The following FAM135B variants were observed in gnomAD, a reference collection of about 807,000 sequenced individuals.
FAM135B encodes the protein protein FAM135B.
Under a neutral mutation model 127.7 loss-of-function variants are expected in FAM135B, and 43 were observed. That is an observed-to-expected ratio of 0.34 (90% confidence interval 0.26 to 0.43). FAM135B has a LOEUF of 0.43. Ranked by LOEUF, FAM135B falls within the 20% of genes least tolerant of loss-of-function variation. The probability of loss-of-function intolerance (pLI) is 1.00; values close to 1 mark genes in which losing one functional copy is unlikely to be tolerated. For missense variants in FAM135B, 1,558 were observed against 1,725.6 expected (o/e 0.90, Z 1.72); for synonymous variants, 670 against 665.1 (o/e 1.01, Z -0.11).
intron 2 of FAM135B, among the ~76,000 whole-genome samples, chr8:138,362,377 A>C (rs1830483290): frequency 6.9e-6 from 1 of 145,750 alleles, no homozygotes; most frequent in Non-Finnish European, 1.5e-5. Flanking sequence ...AGTATTGTGC[A>C]TGGACTATGG....
intron 7 of FAM135B, among the ~76,000 whole-genome samples, chr8:138,225,603 G>T (rs1819364956): frequency 6.6e-6 from 1 of 151,998 alleles, no homozygotes; most frequent in African/African-American, 2.4e-5. Context: ...GAGGACAAAT[G>T]GTCTTACATC....
chr8:138,409,388 A>G (rs1161981025), intron 1 of FAM135B, among the ~76,000 whole-genome samples: 1 of 152,202 alleles, frequency 6.6e-6, no homozygotes, highest in African/African-American at 2.4e-5. Context: ...AAGAAGACTA[A>G]TCATGGATCA....
chr8:138,299,637 CAG>C (rs1327171287), intron 3 of FAM135B, among the ~76,000 whole-genome samples: 1 of 152,090 alleles, frequency 6.6e-6, no homozygotes, highest in African/African-American at 2.4e-5. Flanking sequence ...AATTAAGCTG[CAG>C]AGTCAAAATT....
chr8:138,161,308 CTCTCAATCTCT>C (rs945169430), intron 12 of FAM135B, among the ~76,000 whole-genome samples: 1 of 151,976 alleles, frequency 6.6e-6, no homozygotes, highest in African/African-American at 2.4e-5. Context: ...GCCATTATCT[CTCTCAATCTCT>C]TCTCAATCTC....
intron 15 of FAM135B, 43 bp downstream of exon 15, chr8:138,145,916 T>C (rs1167720991): frequency 2.0e-6 from 2 of 1,010,602 alleles, no homozygotes; most frequent in Non-Finnish European, 1.6e-6. Context: ...CATATAAGCA[T>C]GCATCCAGGG....
At chr8:138,333,184 A>G (rs895974429) in intron 2 of FAM135B, among the ~76,000 whole-genome samples, 3 of 152,134 alleles carry the variant, frequency 2.0e-5, no homozygotes, top group Non-Finnish European at 2.9e-5. Context: ...AAACCAATTC[A>G]TGCAACAAAG....
At chr8:138,360,985 G>T (rs557710261) in intron 2 of FAM135B, among the ~76,000 whole-genome samples, 1 of 151,290 alleles carries the variant, frequency 6.6e-6, no homozygotes, top group African/African-American at 2.4e-5. Flanking sequence ...GAGTGCAGTG[G>T]CACAATCTCA....
chr8:138,315,933 T>G (rs1216422995), intron 2 of FAM135B, among the ~76,000 whole-genome samples: 86 of 152,282 alleles, frequency 5.6e-4, no homozygotes, highest in Non-Finnish European at 1.5e-5. Context: ...TAAATAAGTT[T>G]AGAGATCTAA....
rs1820111087 is a variant in FAM135B, at chr8:138,168,104, C to T, written c.1104-55G>A. On this transcript the variant is annotated intron_variant, in intron 11 of 19. Transcript: ENST00000395297. The stretch of plus-strand genomic sequence containing the variant: ...AGGGAAGAGTCAGAGGTTTCCAAAC[C>T]GTTGCCCCCTCTTCCTAATCCCGGG... The T allele has an allele frequency of 3.3e-6, 5 of 1,533,814 alleles. No homozygotes were observed. In the South Asian group the frequency reaches 5.0e-5, roughly 15 times the overall value.
At position 138,432,107 on chromosome 8, in the gene FAM135B, G is replaced by A. The variant is rs538765816; in HGVS notation, c.-19-64105C>T. Among the ~76,000 whole-genome samples the A allele has an allele frequency of 4.0e-4, 61 of 152,252 alleles. 1 individual carries two copies. The highest frequency in any genetic ancestry group is 1.4e-3 in the African/African-American group (58 of 41,536). On this transcript the variant is annotated intron_variant, in intron 1 of 19. Coordinates refer to ENST00000395297, the MANE Select transcript of FAM135B (RefSeq NM_015912.4). ...GTGTAGGCTCCTTCTCCCCTAAATT[G>A]TGTTGAGGAGGGATACATGTATAAA...
At chr8:138,479,469 T>C (rs942244250) in intron 1 of FAM135B, among the ~76,000 whole-genome samples, 1 of 152,212 alleles carries the variant, frequency 6.6e-6, no homozygotes, top group Admixed American at 6.5e-5. Flanking sequence ...ACAATGTTGA[T>C]AGAGGCTTGT....
chr8:138,319,531 A>G (rs1827312763), intron 2 of FAM135B, among the ~76,000 whole-genome samples: 1 of 152,240 alleles, frequency 6.6e-6, no homozygotes, highest in Non-Finnish European at 1.5e-5. Context: ...AAGATGGGCC[A>G]TTGGTTTCAT....
At position 138,132,775 on chromosome 8, in the gene FAM135B, T is replaced by C. The variant is rs2130489781; in HGVS notation, c.4039A>G (p.Asn1347Asp). The change falls in exon 20 of 20, where the codon AAC becomes GAC. Residue 1347 changes from asparagine (N) to aspartate (D), a missense_variant. Asn to Asp is a conservative substitution (Grantham distance 23, BLOSUM62 1). Coordinates refer to ENST00000395297, the MANE Select transcript of FAM135B (RefSeq NM_015912.4). The surrounding 1 kb of genome is among the most constrained non-coding windows in gnomAD (Gnocchi z 4.5). ...TCAACCAGAGGGCCCAGGAGGTTGTTGATCATTTCTGCATAAACTGGCCCT... is the reference window on the plus strand; with the variant it reads ...TCAACCAGAGGGCCCAGGAGGTTGTCGATCATTTCTGCATAAACTGGCCCT... Reference protein sequence around the residue: ...HTGPVYAEMINNLLGPLVEAK... With the variant: ...HTGPVYAEMIDNLLGPLVEAK... 6.2e-7 allele frequency: 1 copy of C among 1,614,120 alleles called. No individual in the cohort carries two copies. The highest frequency in any genetic ancestry group is 2.2e-5 in the East Asian group (1 of 44,874).
rs1278829870 is a variant in FAM135B at position 138,132,245 on chromosome 8, C to G, written c.*348G>C. 2.3e-5 allele frequency: 6 copies of G among 258,164 alleles called. No homozygotes were observed. Among genetic ancestry groups the G allele is most frequent in the African/African-American group, 1.1e-4 (5 of 44,726 alleles). 16.0% of individuals were successfully genotyped at this position (258,164 alleles called of 1,614,324 possible). A position where few individuals can be genotyped will look rare whatever the true frequency, so the allele number is the denominator to read the frequency against. On this transcript the variant is annotated 3_prime_UTR_variant, in exon 20 of 20. Coordinates refer to ENST00000395297, the MANE Select transcript of FAM135B (RefSeq NM_015912.4). The surrounding 1 kb of genome is among the most constrained non-coding windows in gnomAD (Gnocchi z 4.5). ...TAAGCTAGTAACATATTCGGCAAGT[C>G]TAGTTAAATTGGAGTAATCTCTCAG...
intron 7 of FAM135B, among the ~76,000 whole-genome samples, chr8:138,216,307 G>A (rs931244428): frequency 1.3e-5 from 2 of 152,184 alleles, no homozygotes; most frequent in Non-Finnish European, 2.9e-5. Context: ...TCAATTCTGA[G>A]ATAAGCTTTC....
chr8:138,485,023 GCAA>G (rs1337623827), intron 1 of FAM135B, among the ~76,000 whole-genome samples: 1 of 152,118 alleles, frequency 6.6e-6, no homozygotes, highest in Non-Finnish European at 1.5e-5. Context: ...CTCTCCCCTT[GCAA>G]CAACACCTCA....
intron 4 of FAM135B, among the ~76,000 whole-genome samples, chr8:138,263,195 T>C (rs181819414): frequency 6.6e-6 from 1 of 152,272 alleles, no homozygotes; most frequent in Admixed American, 6.5e-5. Context: ...GTGTAAATGT[T>C]TTCATCAAGC....
intron 1 of FAM135B, among the ~76,000 whole-genome samples, chr8:138,483,760 G>A (rs1814879044): frequency 6.6e-6 from 1 of 152,168 alleles, no homozygotes; most frequent in African/African-American, 2.4e-5. Context: ...GTGACCCTAT[G>A]CAAGCCTCAA....
chr8:138,271,325 C>T lies in FAM135B; in HGVS notation c.158-5483G>A, dbSNP rs73439035. Among the ~76,000 whole-genome samples, 1,444 of 152,172 alleles carry T rather than the reference C, an allele frequency of 9.5e-3. 25 individuals are homozygous for T. The highest frequency in any genetic ancestry group is 0.08 in the East Asian group (413 of 5,170). On this transcript the variant is annotated intron_variant, in intron 3 of 19. Transcript: ENST00000395297. Reference sequence around the variant, plus strand: ...TTTTCTTGTTTTCTACTTAAAGTACCCTGCTGCACATGGAGTATTGGATAT... The same window carrying T: ...TTTTCTTGTTTTCTACTTAAAGTACTCTGCTGCACATGGAGTATTGGATAT...
Sources: gnomAD v4.1 joint callset for allele counts (sites outside exome capture counted in the v4.1 genomes callset) on GRCh38, gnomAD v4.1.1 for gene constraint, Gnocchi (gnomAD v3.1) non-coding constraint, MANE v1.5 for transcripts, NCBI Gene and HGNC (gene_info 2026-07-23, HGNC 2026-07-21) for gene names.